The following KLHL3 variants were observed in gnomAD, a reference collection of about 807,000 sequenced individuals.
KLHL3 encodes kelch like family member 3.
Under a neutral mutation model 70.5 loss-of-function variants are expected in KLHL3, and 19 were observed. The ratio of observed to expected loss-of-function variants is 0.27; its 90% CI spans 0.19 to 0.40. The LOEUF (loss-of-function observed/expected upper bound fraction) is 0.40. KLHL3 is among the 10% of genes least tolerant of loss of function. The pLI, the probability that KLHL3 is intolerant of heterozygous loss-of-function variation, is 1.00. For missense variants in KLHL3, 512 were observed against 771.1 expected (o/e 0.66, Z 3.98); for synonymous variants, 258 against 290.3 (o/e 0.89, Z 1.13).
chr5:137,652,346 C>G (rs553217305), intron 8 of KLHL3, among the ~76,000 whole-genome samples: 5 of 152,164 alleles, frequency 3.3e-5, no homozygotes, highest in Non-Finnish European at 7.4e-5. Context: ...ATCAGTATGT[C>G]AGAGAGATAT....
chr5:137,689,099 A>G (rs1158077478), intron 5 of KLHL3, among the ~76,000 whole-genome samples: 3 of 152,230 alleles, frequency 2.0e-5, no homozygotes, highest in Admixed American at 6.5e-5. Flanking sequence ...GGGGATTCAC[A>G]TTAGAGAAAT....
chr5:137,680,300 C>A (rs969060808), intron 5 of KLHL3, among the ~76,000 whole-genome samples: 2 of 152,138 alleles, frequency 1.3e-5, no homozygotes, highest in African/African-American at 2.4e-5. Context: ...GTCAGAAGAC[C>A]TGGGTTCATG....
chr5:137,637,147 C>A, intron 11 of KLHL3, 147 bp downstream of exon 11: 1 of 601,006 alleles, frequency 1.7e-6, no homozygotes. Context: ...CTTTCCTCAT[C>A]CGCTAAATCA....
At chr5:137,636,858 T>G (rs2149883416) in intron 11 of KLHL3, among the ~76,000 whole-genome samples, 1 of 152,250 alleles carries the variant, frequency 6.6e-6, no homozygotes, top group Middle Eastern at 3.4e-3. Flanking sequence ...TAAGAAGAGG[T>G]GCCTACCTCA....
Position 137,709,872 on chromosome 5 carries a change from G to A in KLHL3, c.135-16C>T. The A allele has an allele frequency of 6.2e-7, 1 of 1,601,270 alleles. No homozygotes were observed. Among genetic ancestry groups the A allele is most frequent in the South Asian group, 1.1e-5 (1 of 90,814 alleles). The stretch of plus-strand genomic sequence containing the variant: ...CAGCTGTTTACTGTAAGACACCAGT[G>A]AGAGGACAGGATGGGTTGCAGCAAG... On this transcript the variant is annotated splice_polypyrimidine_tract_variant and intron_variant, in intron 2 of 14. Transcript: ENST00000309755.
At chr5:137,711,120 G>A (rs1177956325) in intron 2 of KLHL3, among the ~76,000 whole-genome samples, 4 of 152,234 alleles carry the variant, frequency 2.6e-5, no homozygotes, top group Admixed American at 2.6e-4. Flanking sequence ...ACTAGATTCT[G>A]TGTGAGAATG....
intron 2 of KLHL3, 46 bp downstream of exon 2, chr5:137,720,419 T>G: frequency 6.2e-7 from 1 of 1,611,480 alleles, no homozygotes; most frequent in East Asian, 2.2e-5. Context: ...ATGAAGCTCA[T>G]GGACAAGTTC....
intron 6 of KLHL3, among the ~76,000 whole-genome samples, chr5:137,667,800 A>C (rs1439066058): frequency 2.6e-5 from 4 of 152,214 alleles, no homozygotes; most frequent in Non-Finnish European, 4.4e-5. Context: ...TGACAATATC[A>C]GGGAAAAAAA....
At chr5:137,661,501 T>G (rs1315363286) in intron 7 of KLHL3, 1 of 156,584 alleles carries the variant, frequency 6.4e-6, no homozygotes, top group Admixed American at 6.5e-5. Context: ...GACATGACCC[T>G]TCTTGCTTCA....
Position 137,628,357 on chromosome 5 carries a change from C to T in KLHL3, c.1531G>A (p.Asp511Asn), listed in dbSNP as rs559251218. 7.4e-6 allele frequency: 12 copies of T among 1,614,084 alleles called. No individual in the cohort carries two copies. The East Asian group carries it at 8.9e-5, about 12-fold the overall frequency. The change falls in exon 13 of 15, where the codon GAT (aspartate) becomes AAT (asparagine). Residue 511 changes from aspartate to asparagine, a missense_variant. Transcript: ENST00000309755. Reference protein sequence around the residue: ...PLVRKSVEVYDPGTNTWKQVA... With the variant: ...PLVRKSVEVYNPGTNTWKQVA... The stretch of plus-strand genomic sequence containing the variant: ...TGCTTCCAGGTATTTGTTCCAGGAT[C>T]GTAAACCTCAACGCTCTTCCTCACC...
At chr5:137,710,696 A>G (rs575329620) in intron 2 of KLHL3, among the ~76,000 whole-genome samples, 1 of 152,318 alleles carries the variant, frequency 6.6e-6, no homozygotes, top group African/African-American at 2.4e-5. Flanking sequence ...TTCCTTCATC[A>G]TTCTTCTAAG....
At chr5:137,658,768 T>G (rs1377185797) in intron 7 of KLHL3, among the ~76,000 whole-genome samples, 3 of 152,134 alleles carry the variant, frequency 2.0e-5, no homozygotes, top group Non-Finnish European at 2.9e-5. Flanking sequence ...TAAAATAAGC[T>G]TGTCAAGGAG....
chr5:137,672,160 C>T (rs1308734554), intron 6 of KLHL3, among the ~76,000 whole-genome samples: 1 of 152,200 alleles, frequency 6.6e-6, no homozygotes, highest in Non-Finnish European at 1.5e-5. Context: ...ACTCTGATAA[C>T]CTCAGAGTAA....
At chr5:137,635,786 G>A (rs761633950) in intron 11 of KLHL3, among the ~76,000 whole-genome samples, 4 of 152,146 alleles carry the variant, frequency 2.6e-5, no homozygotes, top group Non-Finnish European at 4.4e-5. Context: ...TGTCTTCCAC[G>A]TCAACAGGGC....
chr5:137,635,672 T>G (rs1237528191), intron 11 of KLHL3, among the ~76,000 whole-genome samples: 1 of 152,046 alleles, frequency 6.6e-6, no homozygotes, highest in Non-Finnish European at 1.5e-5. Flanking sequence ...AGTCCCTCCC[T>G]CAACATTCTC....
At chr5:137,725,126 C>G (rs1753066151) in intron 1 of KLHL3, 1 of 878,652 alleles carries the variant, frequency 1.1e-6, no homozygotes, top group African/African-American at 1.8e-5. Context: ...AGTCCCAATC[C>G]CAAGCATTCT....
intron 3 of KLHL3, among the ~76,000 whole-genome samples, chr5:137,702,952 G>T (rs1298895866): frequency 6.6e-6 from 1 of 152,130 alleles, no homozygotes; most frequent in Non-Finnish European, 1.5e-5. Flanking sequence ...GACTGCCAAA[G>T]AAGAGCAAGA....
chr5:137,662,986 T>TA (rs1174406342), intron 6 of KLHL3, among the ~76,000 whole-genome samples: 1 of 149,008 alleles, frequency 6.7e-6, no homozygotes, highest in Non-Finnish European at 1.5e-5. Flanking sequence ...AGTCCACTAA[T>TA]AGAGAAATTA....
Position 137,622,138 on chromosome 5 carries a change from G to T in KLHL3, c.1736-12C>A. Reference sequence around the variant, plus strand: ...AATCACGGCAACACCTAATAAGAAAGGGGGAGAAAGTTATCATCTTAGCTT... The same window carrying T: ...AATCACGGCAACACCTAATAAGAAATGGGGAGAAAGTTATCATCTTAGCTT... On this transcript the variant is annotated splice_polypyrimidine_tract_variant and intron_variant, in intron 14 of 14. Coordinates refer to ENST00000309755, the MANE Select transcript of KLHL3 (RefSeq NM_017415.3). 6.2e-7 allele frequency: 1 copy of T among 1,614,178 alleles called. No homozygotes were observed.
Sources: allele counts gnomAD v4.1 joint callset (sites outside exome capture counted in the v4.1 genomes callset), GRCh38; gene constraint gnomAD v4.1.1; transcripts MANE v1.5; gene names NCBI Gene and HGNC (gene_info 2026-07-23, HGNC 2026-07-21).